Variants in MYO9A observed in about 807,000 individuals in gnomAD.
The protein encoded by MYO9A is unconventional myosin-IXa.
A neutral mutation model predicts 293.3 loss-of-function variants in MYO9A; 103 were observed. That is an observed-to-expected ratio of 0.35 (90% confidence interval 0.30 to 0.41). The LOEUF is 0.41. Ranked by LOEUF, MYO9A falls within the 10% of genes least tolerant of loss-of-function variation. The pLI, the probability that MYO9A is intolerant of heterozygous loss-of-function variation, is 1.00. For missense variants in MYO9A, 2,685 were observed against 3,033.0 expected (o/e 0.89, Z 2.69); for synonymous variants, 1,001 against 1,035.7 (o/e 0.97, Z 0.64).
At chr15:71,830,620 G>GTATT (rs749241444) in intron 39 of MYO9A, among the ~76,000 whole-genome samples, 3 of 152,184 alleles carry the variant, frequency 2.0e-5, no homozygotes, top group East Asian at 1.9e-4. Flanking sequence ...CCACATCTGG[G>GTATT]TATTTATTTT....
chr15:71,861,555 G>T (rs760676866), intron 33 of MYO9A, among the ~76,000 whole-genome samples: 1 of 146,554 alleles, frequency 6.8e-6, no homozygotes. Flanking sequence ...GTACCTTTTT[G>T]ACTGTAATCT....
At chr15:72,091,567 TG>T (rs1262127100) in intron 1 of MYO9A, among the ~76,000 whole-genome samples, 1 of 152,162 alleles carries the variant, frequency 6.6e-6, no homozygotes, top group African/African-American at 2.4e-5. Context: ...CAACTTTACC[TG>T]AACTACTCTC....
At chr15:71,974,629 T>G (rs965803110) in intron 12 of MYO9A, among the ~76,000 whole-genome samples, 1 of 152,234 alleles carries the variant, frequency 6.6e-6, no homozygotes, top group Non-Finnish European at 1.5e-5. Flanking sequence ...AAACTGTAAC[T>G]ACATTTTTAA....
chr15:71,976,611 T>C (rs921797258), intron 12 of MYO9A, among the ~76,000 whole-genome samples: 1 of 152,206 alleles, frequency 6.6e-6, no homozygotes, highest in Non-Finnish European at 1.5e-5. Flanking sequence ...AATAAACATA[T>C]ACCAGAGGTA....
rs368861134 is a variant in MYO9A, at chr15:71,991,957, G to A, written c.1588-720C>T. Among the ~76,000 whole-genome samples the A allele has an allele frequency of 1.1e-4, 17 of 152,240 alleles. No individual in the cohort carries two copies. The East Asian group carries it at 1.2e-3, about 10-fold the overall frequency. On this transcript the variant is annotated intron_variant, in intron 10 of 41. Transcript: ENST00000356056. ...TTTTGGTAGAGACTGGTTTCACCAC[G>A]TTGGCCGGTCTGGTATCAAACTCCT... is the stretch of plus-strand genomic sequence containing the variant.
At chr15:72,097,111 G>A (rs1182053708) in intron 1 of MYO9A, among the ~76,000 whole-genome samples, 1 of 152,128 alleles carries the variant, frequency 6.6e-6, no homozygotes, top group East Asian at 1.9e-4. Context: ...GCAGCTGCAG[G>A]GTTTGAGAAG....
At chr15:72,118,424 A>C (rs919198195), upstream of MYO9A, 1 of 154,146 alleles carries the variant, frequency 6.5e-6, no homozygotes, top group African/African-American at 2.4e-5. Flanking sequence ...GCCAACACAG[A>C]GGTGCCTGAA....
At chr15:72,070,703 G>T (rs760318875) in intron 1 of MYO9A, among the ~76,000 whole-genome samples, 12 of 151,980 alleles carry the variant, frequency 7.9e-5, no homozygotes, top group Non-Finnish European at 1.6e-4. Flanking sequence ...AAGAAAAAAA[G>T]ACACAGTAAT....
At chr15:71,886,687 T>C (rs1478035785) in intron 27 of MYO9A, among the ~76,000 whole-genome samples, 1 of 152,146 alleles carries the variant, frequency 6.6e-6, no homozygotes, top group Non-Finnish European at 1.5e-5. Flanking sequence ...TCCATTTACT[T>C]TTTGGATTCC....
chr15:72,118,073 C>A lies in MYO9A; in HGVS notation c.-465G>T. 2.5e-6 allele frequency: 1 copy of A among 394,714 alleles called. No homozygotes were observed. Among genetic ancestry groups the A allele is most frequent in the Non-Finnish European group, 4.5e-6 (1 of 223,530 alleles). 24.5% of individuals were successfully genotyped at this position (394,714 alleles called of 1,614,324 possible). On this transcript the variant is annotated 5_prime_UTR_variant, in exon 1 of 42. Transcript: ENST00000356056. ...CCGCCGCCGCGTCCCTTATCCGCTTCGGTCGCGCGCCCCCGACCCCGCGCA... is the reference window on the plus strand; with the variant it reads ...CCGCCGCCGCGTCCCTTATCCGCTTAGGTCGCGCGCCCCCGACCCCGCGCA...
At position 71,979,824 on chromosome 15, in the gene MYO9A, C is replaced by CAA. The variant is rs559921433; in HGVS notation, c.1723-1534_1723-1533dup. ...ATCACAAGAACGGCTTGTTAAAAAA[C>CAA]AAGAGTATTGGGACTCCATCCCCAG... On this transcript the variant is annotated intron_variant, in intron 11 of 41. Transcript: ENST00000356056. 2.1e-4 allele frequency among the ~76,000 whole-genome samples: 32 copies of CAA among 152,236 alleles called. No individual in the cohort carries two copies. In the East Asian group the frequency reaches 4.8e-3, roughly 23 times the overall value.
intron 10 of MYO9A, among the ~76,000 whole-genome samples, chr15:71,992,352 A>G (rs79584905): frequency 0.016 from 2,429 of 152,324 alleles, 66 homozygotes; most frequent in African/African-American, 0.054. Context: ...TTCTAGAAAT[A>G]CAGTTGTATG....
intron 1 of MYO9A, among the ~76,000 whole-genome samples, chr15:72,084,912 A>C (rs1439531090): frequency 1.3e-5 from 2 of 151,608 alleles, no homozygotes; most frequent in African/African-American, 4.9e-5. Flanking sequence ...ATTCTCCCCA[A>C]CTCTTTCAGG....
chr15:71,957,614 A>T (rs2059234046), intron 14 of MYO9A, among the ~76,000 whole-genome samples: 1 of 152,070 alleles, frequency 6.6e-6, no homozygotes, highest in African/African-American at 2.4e-5. Context: ...ATTTTTGAAA[A>T]TAGATGGTCA....
Position 72,008,446 on chromosome 15 carries a change from T to TGTGG in MYO9A, c.1254-495_1254-494insCCAC, listed in dbSNP as rs1335618686. The stretch of plus-strand genomic sequence containing the variant: ...TGTTTGAGGTAAATGGGTGTGTGTG[T>TGTGG]GTGTGTGTGTGTGTGTGTGTGTGTG... On this transcript the variant is annotated intron_variant, in intron 7 of 41. Transcript: ENST00000356056. Among the ~76,000 whole-genome samples, 17 of 149,056 alleles carry TGTGG rather than the reference T, an allele frequency of 1.1e-4. No homozygotes were observed. In the East Asian group the frequency reaches 3.2e-3, roughly 28 times the overall value.
In MYO9A at chr15:71,825,995, G is replaced by GTTTT. The variant is rs11368306; in HGVS notation, c.*581_*584dup. The stretch of plus-strand genomic sequence containing the variant: ...ATGGAAACAATCACGGTTTTTTTTT[G>GTTTT]TTTTTTTTTTTTTGTTTTTTTTTTT... On this transcript the variant is annotated 3_prime_UTR_variant, in exon 42 of 42. Coordinates refer to ENST00000356056, the MANE Select transcript of MYO9A (RefSeq NM_006901.4). 2.2e-5 allele frequency: 2 copies of GTTTT among 91,526 alleles called. No individual in the cohort carries two copies. Among genetic ancestry groups the GTTTT allele is most frequent in the East Asian group, 3.3e-4 (1 of 2,996 alleles). 5.7% of individuals were successfully genotyped at this position (91,526 alleles called of 1,614,324 possible).
At chr15:72,104,895 G>C (rs1180905486) in intron 1 of MYO9A, among the ~76,000 whole-genome samples, 4 of 152,186 alleles carry the variant, frequency 2.6e-5, no homozygotes, top group Admixed American at 6.5e-5. Context: ...ATGTACATAA[G>C]AGCAGAATTT....
At chr15:71,863,518 C>A (rs1379165779) in intron 32 of MYO9A, among the ~76,000 whole-genome samples, 1 of 151,874 alleles carries the variant, frequency 6.6e-6, no homozygotes. Context: ...TCTTTAATGT[C>A]TGGATTAACA....
chr15:71,879,238 T>C (rs577367578), intron 30 of MYO9A, among the ~76,000 whole-genome samples: 1 of 152,298 alleles, frequency 6.6e-6, no homozygotes, highest in African/African-American at 2.4e-5. Flanking sequence ...TTCTAAAACA[T>C]GACCAGTATC....
Sources: allele counts gnomAD v4.1 joint callset (sites outside exome capture counted in the v4.1 genomes callset), GRCh38; gene constraint gnomAD v4.1.1; transcripts MANE v1.5; gene names NCBI Gene and HGNC (gene_info 2026-07-23, HGNC 2026-07-21).